The following MCPH1 variants were observed in gnomAD, a reference collection of about 807,000 sequenced individuals.
The protein encoded by MCPH1 is microcephalin 1.
MCPH1 carries 104 observed loss-of-function variants against 84.5 expected under a neutral mutation model. The observed-to-expected ratio is 1.23, with a 90% CI of 1.05 to 1.45. The LOEUF (loss-of-function observed/expected upper bound fraction) is 1.45. MCPH1 is among the 40% of genes most tolerant of loss of function. MCPH1 has a pLI of 0.00. For synonymous variants in MCPH1, 514 were observed against 366.8 expected (o/e 1.40, Z -4.58); for missense variants, 1,498 against 1,005.7 (o/e 1.49, Z -6.62).
intron 13 of MCPH1, among the ~76,000 whole-genome samples, chr8:6,629,695 T>C (rs769659653): frequency 2.0e-5 from 3 of 152,172 alleles, no homozygotes; most frequent in Non-Finnish European, 1.5e-5. Context: ...TGGCATTTTG[T>C]TATGGTAGCC....
intron 11 of MCPH1, among the ~76,000 whole-genome samples, chr8:6,497,432 G>A (rs1298839248): frequency 6.6e-6 from 1 of 152,190 alleles, no homozygotes; most frequent in East Asian, 1.9e-4. Flanking sequence ...GAACCTGGGA[G>A]ACGATGCTGC....
At chr8:6,562,652 T>G in intron 12 of MCPH1, 1 of 1,571,304 alleles carries the variant, frequency 6.4e-7, no homozygotes, top group Non-Finnish European at 8.7e-7. Context: ...CCTACCTTCA[T>G]TAGCCACTGA....
chr8:6,569,672 G>A (rs1826499078), intron 12 of MCPH1, among the ~76,000 whole-genome samples: 1 of 152,218 alleles, frequency 6.6e-6, no homozygotes, highest in South Asian at 2.1e-4. Flanking sequence ...GCCTGTGTGT[G>A]TCTGTCTTTT....
intron 12 of MCPH1, among the ~76,000 whole-genome samples, chr8:6,578,900 T>G (rs1226487627): frequency 2.6e-5 from 4 of 152,224 alleles, no homozygotes; most frequent in Non-Finnish European, 4.4e-5. Context: ...ATGTTATTCC[T>G]GGAGCTACTA....
chr8:6,559,391 G>A (rs540480097), intron 12 of MCPH1, among the ~76,000 whole-genome samples: 8 of 152,208 alleles, frequency 5.3e-5, no homozygotes, highest in South Asian at 4.1e-4. Context: ...GCATTCATTC[G>A]TGAGTAGTAG....
intron 3 of MCPH1, among the ~76,000 whole-genome samples, chr8:6,424,191 T>G (rs1031714324): frequency 4.5e-4 from 69 of 152,228 alleles, no homozygotes; most frequent in Non-Finnish European, 9.8e-4. Context: ...GTAGAAATTT[T>G]TACCTTGAAG....
At chr8:6,511,367 A>C (rs1385779664) in intron 12 of MCPH1, among the ~76,000 whole-genome samples, 1 of 152,168 alleles carries the variant, frequency 6.6e-6, no homozygotes, top group Non-Finnish European at 1.5e-5. Flanking sequence ...CATCAACATT[A>C]ACAATTAAAC....
At chr8:6,551,242 T>G (rs1429085169) in intron 12 of MCPH1, among the ~76,000 whole-genome samples, 2 of 152,160 alleles carry the variant, frequency 1.3e-5, no homozygotes, top group Non-Finnish European at 2.9e-5. Flanking sequence ...TTTTTTTTCT[T>G]CTTTCTCATG....
chr8:6,426,360 C>T (rs1801060420), intron 3 of MCPH1, among the ~76,000 whole-genome samples: 1 of 152,206 alleles, frequency 6.6e-6, no homozygotes, highest in Non-Finnish European at 1.5e-5. Context: ...CCCCTCCTCC[C>T]ACCCCAGGGC....
intron 12 of MCPH1, among the ~76,000 whole-genome samples, chr8:6,536,110 G>A (rs1820442565): frequency 6.6e-6 from 1 of 152,094 alleles, no homozygotes; most frequent in African/African-American, 2.4e-5. Context: ...TCTTACTCTT[G>A]AAGTCATTAA....
intron 12 of MCPH1, among the ~76,000 whole-genome samples, chr8:6,549,331 TAAAAG>T (rs1450704180): frequency 2.0e-5 from 3 of 152,066 alleles, no homozygotes; most frequent in South Asian, 2.1e-4. Flanking sequence ...ACAGAAATAA[TAAAAG>T]AGACCAAAAA....
chr8:6,421,235 C>T (rs1800152422), intron 3 of MCPH1, among the ~76,000 whole-genome samples: 1 of 152,042 alleles, frequency 6.6e-6, no homozygotes, highest in Admixed American at 6.6e-5. Flanking sequence ...TTTAGCACAA[C>T]AGGTGTGGAC....
chr8:6,613,774 G>C (rs1015050696), intron 12 of MCPH1, among the ~76,000 whole-genome samples: 1 of 152,136 alleles, frequency 6.6e-6, no homozygotes, highest in African/African-American at 2.4e-5. Context: ...CCGTCTAGCA[G>C]CACGGGGTGT....
chr8:6,455,150 A>C lies in MCPH1; in HGVS notation c.1833A>C (p.Lys611Asn), dbSNP rs760501048. The C allele has an allele frequency of 1.2e-6, 2 of 1,613,848 alleles. No individual in the cohort carries two copies. The highest frequency in any genetic ancestry group is 2.2e-5 in the East Asian group (1 of 44,846). The change falls in exon 9 of 14, where the codon AAA (lysine) becomes AAC (asparagine). Residue 611 changes from lysine (K) to asparagine (N), a missense_variant. Physicochemically the swap from Lys to Asn is moderately conservative, Grantham distance 94 (BLOSUM62 0). Transcript: ENST00000344683. Reference protein sequence around the residue: ...NLPGGYSGSVKNRPTRHDVLD... With the variant: ...NLPGGYSGSVNNRPTRHDVLD... ...AATCCCCTTGGGTTTTAGGTGTTAAAAATAGACCAACAAGGCATGATGTTT... is the reference window on the plus strand; with the variant it reads ...AATCCCCTTGGGTTTTAGGTGTTAACAATAGACCAACAAGGCATGATGTTT...
At chr8:6,626,166 T>C in intron 13 of MCPH1, 1 of 985,306 alleles carries the variant, frequency 1.0e-6, no homozygotes, top group Non-Finnish European at 1.2e-6. Flanking sequence ...AGCTCTGAGG[T>C]GACCCTCAGC....
At chr8:6,433,898 GC>G (rs1802246098) in intron 4 of MCPH1, among the ~76,000 whole-genome samples, 1 of 151,890 alleles carries the variant, frequency 6.6e-6, no homozygotes, top group African/African-American at 2.4e-5. Context: ...CTGCCTGCCT[GC>G]CCAGCTTGCT....
chr8:6,441,425 A>T (rs1803494526), intron 6 of MCPH1, among the ~76,000 whole-genome samples: 1 of 152,172 alleles, frequency 6.6e-6, no homozygotes, highest in South Asian at 2.1e-4. Flanking sequence ...TTCTCAGAAA[A>T]GTATCCTTTT....
At chr8:6,493,722 G>C (rs1201956013) in intron 11 of MCPH1, among the ~76,000 whole-genome samples, 1 of 152,132 alleles carries the variant, frequency 6.6e-6, no homozygotes, top group Non-Finnish European at 1.5e-5. Flanking sequence ...AGGTCCCCAG[G>C]ATACAAAATA....
intron 12 of MCPH1, among the ~76,000 whole-genome samples, chr8:6,557,652 A>T (rs1162066067): frequency 1.3e-5 from 2 of 150,876 alleles, no homozygotes; most frequent in African/African-American, 4.9e-5. Flanking sequence ...GAACAAATAT[A>T]TATTTTTTAT....
Sources: allele counts gnomAD v4.1 joint callset (sites outside exome capture counted in the v4.1 genomes callset), GRCh38; gene constraint gnomAD v4.1.1; transcripts MANE v1.5; gene names NCBI Gene and HGNC (gene_info 2026-07-23, HGNC 2026-07-21).